Variants in LGMN observed in about 807,000 individuals in gnomAD.
LGMN encodes the protein legumain.
LGMN carries 36 observed loss-of-function variants against 56.8 expected under a neutral mutation model. The ratio of observed to expected loss-of-function variants is 0.63; its 90% CI spans 0.49 to 0.84. LGMN has a LOEUF of 0.84. Among genes scored for constraint, LGMN ranks in the 40% least tolerant of loss-of-function variants. The pLI is 0.00. For synonymous variants in LGMN, 199 were observed against 210.1 expected (o/e 0.95, Z 0.46); for missense variants, 446 against 556.1 (o/e 0.80, Z 1.99).
rs774667405 is a variant in LGMN, at chr14:92,709,747, C to A, written c.945G>T (p.Met315Ile). 3 of 1,614,136 alleles carry A rather than the reference C, an allele frequency of 1.9e-6. No individual in the cohort carries two copies. In the South Asian group the frequency reaches 3.3e-5, roughly 18 times the overall value. ...TPSPDVPLTI[M>I]KRKLMNTNDL... ...CATTGGTGTTCATCAGTTTCCTTTTCATGATGGTGAGAGGCACATCAGGGC... is the reference window on the plus strand; with the variant it reads ...CATTGGTGTTCATCAGTTTCCTTTTAATGATGGTGAGAGGCACATCAGGGC... Residue 315 changes from methionine to isoleucine, a missense_variant, in exon 11 of 14, where the codon ATG becomes ATT. Met to Ile is a conservative substitution (Grantham distance 10). Coordinates refer to ENST00000334869, the MANE Select transcript of LGMN (RefSeq NM_005606.7).
At chr14:92,708,119 C>T (rs1265699819) in intron 11 of LGMN, among the ~76,000 whole-genome samples, 1 of 150,256 alleles carries the variant, frequency 6.7e-6, no homozygotes, top group Non-Finnish European at 1.5e-5. Flanking sequence ...CCATTGTACT[C>T]CAGCCTGGGC....
intron 12 of LGMN, 142 bp downstream of exon 12, chr14:92,706,341 A>T: frequency 3.1e-6 from 2 of 652,160 alleles, no homozygotes; most frequent in Non-Finnish European, 4.8e-6. Flanking sequence ...AATTTGGACA[A>T]CCTTCTTCCT....
rs370999611 is a variant in LGMN at position 92,711,642 on chromosome 14, C to T, written c.819+17G>A. 2.2e-5 allele frequency: 36 copies of T among 1,611,136 alleles called. No homozygotes were observed. The highest frequency in any genetic ancestry group is 8.8e-5 in the South Asian group (8 of 90,994). On this transcript the variant is annotated intron_variant, in intron 10 of 13. Transcript: ENST00000334869. ...ACACAAGGAACAGAGGGCCAGCACG[C>T]GAGGCTCCCGACTCACTTTGTTTCC...
intron 1 of LGMN, among the ~76,000 whole-genome samples, chr14:92,739,398 T>C (rs575057498): frequency 3.5e-4 from 53 of 152,210 alleles, no homozygotes; most frequent in African/African-American, 1.2e-3. Flanking sequence ...CACAGAGGCA[T>C]CATCATCATC....
At chr14:92,723,810 C>T (rs1487593933) in intron 2 of LGMN, among the ~76,000 whole-genome samples, 1 of 152,116 alleles carries the variant, frequency 6.6e-6, no homozygotes, top group Non-Finnish European at 1.5e-5. Context: ...TGGCTCACTG[C>T]AGCCTCTGCC....
chr14:92,747,507 A>G (rs1200344533), intron 1 of LGMN, among the ~76,000 whole-genome samples: 1 of 152,090 alleles, frequency 6.6e-6, no homozygotes, highest in Non-Finnish European at 1.5e-5. Context: ...AAACAAAACA[A>G]ACAAACAGAA....
At chr14:92,745,610 C>T (rs528348324) in intron 1 of LGMN, among the ~76,000 whole-genome samples, 2 of 152,256 alleles carry the variant, frequency 1.3e-5, no homozygotes, top group South Asian at 2.1e-4. Context: ...ACAAGCATTC[C>T]CCTAGTAATG....
At chr14:92,746,068 G>A (rs982555318) in intron 1 of LGMN, among the ~76,000 whole-genome samples, 4 of 152,078 alleles carry the variant, frequency 2.6e-5, no homozygotes, top group Admixed American at 6.5e-5. Flanking sequence ...TGATCCGCCC[G>A]CCTCGGCCTC....
chr14:92,711,358 C>T (rs529472299), intron 10 of LGMN, among the ~76,000 whole-genome samples: 15 of 152,340 alleles, frequency 9.8e-5, no homozygotes, highest in African/African-American at 3.6e-4. Flanking sequence ...ATAAGTAACG[C>T]ATAGCCCTCT....
intron 10 of LGMN, 36 bp from the exon 11 acceptor site, chr14:92,709,908 A>G (rs897491677): frequency 6.6e-7 from 1 of 1,525,698 alleles, no homozygotes. Context: ...GCGAGAGAGA[A>G]AGCGAGAGAG....
intron 2 of LGMN, 141 bp downstream of exon 2, chr14:92,732,508 C>T (rs752287237): frequency 1.9e-5 from 17 of 883,494 alleles, no homozygotes; most frequent in Middle Eastern, 3.6e-4. Context: ...CCCACATCCT[C>T]GCTAACACAC....
At chr14:92,721,821 T>G (rs1890493597) in intron 2 of LGMN, among the ~76,000 whole-genome samples, 1 of 152,170 alleles carries the variant, frequency 6.6e-6, no homozygotes, top group Non-Finnish European at 1.5e-5. Flanking sequence ...AACCCACTAC[T>G]CAGGTGATGG....
At chr14:92,709,961 T>A in intron 10 of LGMN, 89 bp from the exon 11 acceptor site, 1 of 1,109,248 alleles carries the variant, frequency 9.0e-7, no homozygotes, top group Non-Finnish European at 1.3e-6. Context: ...AGAGCTGGTT[T>A]GAGTGGGAGG....
At chr14:92,729,976 T>C (rs573842974) in intron 2 of LGMN, among the ~76,000 whole-genome samples, 3 of 152,382 alleles carry the variant, frequency 2.0e-5, no homozygotes, top group Non-Finnish European at 2.9e-5. Context: ...TCAGGGAAAT[T>C]AGCAACACTA....
rs138978241 is a variant in LGMN at position 92,718,794 on chromosome 14, G to T, written c.189C>A (p.Asp63Glu). 2.0e-5 allele frequency: 32 copies of T among 1,612,974 alleles called. No homozygotes were observed. Among genetic ancestry groups the T allele is most frequent in the Non-Finnish European group, 4.2e-6 (5 of 1,179,402 alleles). ...YQIIHRNGIP[D>E]EQIVVMMYDD... ...CGTACATCATCACAACGATCTGTTC[G>T]TCAGGAATCCCATTGCGGTGAATGA... The change falls in exon 3 of 14, where the codon GAC (aspartate) becomes GAA (glutamate). Residue 63 changes from aspartate (D) to glutamate (E), a missense_variant. Asp to Glu is a conservative substitution (Grantham distance 45). Transcript: ENST00000334869.
At chr14:92,704,842 C>G (rs967484992) in intron 12 of LGMN, 135 bp from the exon 13 acceptor site, 19 of 711,346 alleles carry the variant, frequency 2.7e-5, no homozygotes, top group Admixed American at 1.4e-4. Context: ...CTTTCCCAAC[C>G]TTTAGATAAT....
rs761629291 is a variant in LGMN at position 92,711,641 on chromosome 14, G to A, written c.819+18C>T. 3.9e-5 allele frequency: 63 copies of A among 1,609,784 alleles called. No individual in the cohort carries two copies. The highest frequency in any genetic ancestry group is 1.3e-4 in the Admixed American group (8 of 59,998). On this transcript the variant is annotated intron_variant, in intron 10 of 13. Coordinates refer to ENST00000334869, the MANE Select transcript of LGMN (RefSeq NM_005606.7). ...GACACAAGGAACAGAGGGCCAGCACGCGAGGCTCCCGACTCACTTTGTTTC... is the reference window on the plus strand; with the variant it reads ...GACACAAGGAACAGAGGGCCAGCACACGAGGCTCCCGACTCACTTTGTTTC...
chr14:92,713,774 T>G, intron 7 of LGMN, 49 bp downstream of exon 7: 1 of 1,357,494 alleles, frequency 7.4e-7, no homozygotes. Flanking sequence ...CACTCACGGC[T>G]TTCCTCACAC....
chr14:92,729,335 A>G (rs1343959162), intron 2 of LGMN, among the ~76,000 whole-genome samples: 1 of 140,112 alleles, frequency 7.1e-6, no homozygotes, highest in Non-Finnish European at 1.5e-5. Context: ...GCAACCCCCC[A>G]CCTCACTCTT....
Sources: allele counts gnomAD v4.1 joint callset (sites outside exome capture counted in the v4.1 genomes callset), GRCh38; gene constraint gnomAD v4.1.1; transcripts MANE v1.5; gene names NCBI Gene and HGNC (gene_info 2026-07-23, HGNC 2026-07-21).